The following PCBP2 variants were observed in gnomAD, a reference collection of about 807,000 sequenced individuals.
PCBP2 encodes poly(rC)-binding protein 2.
A neutral mutation model predicts 50.1 loss-of-function variants in PCBP2; 4 were observed. The ratio of observed to expected loss-of-function variants is 0.08; its 90% confidence interval spans 0.04 to 0.18. PCBP2 has a LOEUF of 0.18. Among genes scored for constraint, PCBP2 ranks in the 10% least tolerant of loss-of-function variants. The pLI is 1.00. For missense variants in PCBP2, 161 were observed against 474.3 expected, an observed-to-expected ratio of 0.34 and a Z score of 6.14; for synonymous variants, 179 against 168.0, an observed-to-expected ratio of 1.07 and a Z score of -0.51.
At chr12:53,462,457 C>T (rs1432189500) in intron 7 of PCBP2, 36 bp from the exon 8 acceptor site, 1 of 1,572,970 alleles carries the variant, frequency 6.4e-7, no homozygotes, top group African/African-American at 1.4e-5. Context: ...GAAACCTTAT[C>T]TCTTTTTGTT....
chr12:53,473,393 A>C (rs529797556), intron 14 of PCBP2, among the ~76,000 whole-genome samples: 1 of 152,198 alleles, frequency 6.6e-6, no homozygotes, highest in East Asian at 1.9e-4. Flanking sequence ...TGTTTTTCTT[A>C]TTTGTAATTA....
intron 14 of PCBP2, among the ~76,000 whole-genome samples, chr12:53,479,006 TC>T (rs1942864969): frequency 6.6e-6 from 1 of 152,178 alleles, no homozygotes; most frequent in Non-Finnish European, 1.5e-5. Context: ...ACTCTTTCTT[TC>T]CTAAACTGGT....
chr12:53,476,123 CATT>C (rs1257662935), intron 14 of PCBP2: 1 of 152,212 alleles, frequency 6.6e-6, no homozygotes, highest in Non-Finnish European at 1.5e-5. Context: ...CAACCCGTGA[CATT>C]ATCCACAACT....
intron 8 of PCBP2, chr12:53,464,523 CT>C: frequency 2.1e-6 from 1 of 479,890 alleles, no homozygotes; most frequent in South Asian, 2.4e-5. Context: ...CTGGCATCAG[CT>C]CTGTTGCCCC....
chr12:53,466,135 A>C (rs889680045), intron 10 of PCBP2, among the ~76,000 whole-genome samples, 162 bp downstream of exon 10: 1 of 152,220 alleles, frequency 6.6e-6, no homozygotes, highest in Non-Finnish European at 1.5e-5. Context: ...CCCTTTAATC[A>C]GGGTAATGCC....
intron 13 of PCBP2, among the ~76,000 whole-genome samples, chr12:53,469,307 A>G (rs1451707144): frequency 1.3e-5 from 2 of 152,080 alleles, no homozygotes; most frequent in African/African-American, 4.8e-5. Context: ...GAAAATGGGA[A>G]TTTTTAGACA....
chr12:53,479,092 C>T (rs1416283567), intron 14 of PCBP2, among the ~76,000 whole-genome samples: 1 of 152,112 alleles, frequency 6.6e-6, no homozygotes, highest in Non-Finnish European at 1.5e-5. Flanking sequence ...ATTGTGAGCA[C>T]TCTTTAGAGG....
chr12:53,480,355 C>T lies in PCBP2; in HGVS notation c.*913C>T, dbSNP rs1942969812. On this transcript the variant is annotated 3_prime_UTR_variant, in exon 15 of 15. Coordinates refer to ENST00000546463, the MANE Select transcript of PCBP2 (RefSeq NM_031989.5). The stretch of plus-strand genomic sequence containing the variant: ...GAAAGTTGGGGCTTGACATTATACT[C>T]ATTTAGTGAGAGTAGATGCAAAAAA... 1 of 152,284 alleles carries T rather than the reference C, an allele frequency of 6.6e-6. No homozygotes were observed. Among genetic ancestry groups the T allele is most frequent in the South Asian group, 2.1e-4 (1 of 4,824 alleles). 9.4% of individuals were successfully genotyped at this position (152,284 alleles called of 1,614,324 possible).
At chr12:53,468,580 CAGA>C in intron 12 of PCBP2, 194 bp from the exon 13 acceptor site, 1 of 585,904 alleles carries the variant, frequency 1.7e-6, no homozygotes, top group Non-Finnish European at 3.0e-6. Flanking sequence ...TCTGAGTGTA[CAGA>C]AGAACCTTTC....
chr12:53,460,353 C>T (rs1402952041), intron 6 of PCBP2: 1 of 383,846 alleles, frequency 2.6e-6, no homozygotes, highest in Non-Finnish European at 5.2e-6. Flanking sequence ...CTGTTTTGCT[C>T]AGGCTGGTCT....
intron 11 of PCBP2, chr12:53,467,542 G>T (rs1279734011): frequency 1.6e-6 from 1 of 615,636 alleles, no homozygotes; most frequent in Non-Finnish European, 2.9e-6. Flanking sequence ...GGGGATGCTT[G>T]TCAGGCAAAG....
intron 14 of PCBP2, among the ~76,000 whole-genome samples, chr12:53,477,745 G>A (rs1466237946): frequency 7.3e-6 from 1 of 136,518 alleles, no homozygotes; most frequent in Non-Finnish European, 1.6e-5. Context: ...CTGACTAAAA[G>A]TAAATAGTTT....
intron 8 of PCBP2, 21 bp downstream of exon 8, chr12:53,462,588 G>A: frequency 6.3e-7 from 1 of 1,586,336 alleles, no homozygotes; most frequent in Non-Finnish European, 8.7e-7. Flanking sequence ...TCTCATTTGT[G>A]GGCTAGAATG....
At chr12:53,468,857 A>T (rs1288212720) in intron 13 of PCBP2, 25 bp downstream of exon 13, 2 of 1,558,332 alleles carry the variant, frequency 1.3e-6, no homozygotes, top group African/African-American at 1.4e-5. Context: ...GTTGCATGGG[A>T]TGAAAATAAG....
intron 13 of PCBP2, among the ~76,000 whole-genome samples, chr12:53,471,384 C>T (rs916543557): frequency 6.6e-6 from 1 of 151,650 alleles, no homozygotes; most frequent in Admixed American, 6.6e-5. Flanking sequence ...TTGAGACCAT[C>T]CTGGCCAACA....
At chr12:53,459,806 G>A in intron 6 of PCBP2, 1 of 438,030 alleles carries the variant, frequency 2.3e-6, no homozygotes, top group South Asian at 1.6e-5. Flanking sequence ...CCAGGCTGGA[G>A]TGCAGTGGCG....
chr12:53,477,330 T>C (rs1434686905), intron 14 of PCBP2, among the ~76,000 whole-genome samples: 1 of 152,106 alleles, frequency 6.6e-6, no homozygotes, highest in Non-Finnish European at 1.5e-5. Context: ...CCTTAGATCA[T>C]TGTGTTTTGA....
At chr12:53,471,221 A>C (rs1328701830) in intron 13 of PCBP2, among the ~76,000 whole-genome samples, 2 of 151,994 alleles carry the variant, frequency 1.3e-5, no homozygotes, top group Admixed American at 1.3e-4. Context: ...GAGATTCGAA[A>C]ATGGCTTAAA....
chr12:53,467,609 C>T, intron 11 of PCBP2, 196 bp from the exon 12 acceptor site: 1 of 628,820 alleles, frequency 1.6e-6, no homozygotes, highest in South Asian at 1.9e-5. Context: ...ATCTGATCAG[C>T]ACCCCCTTTC....
Sources: allele counts gnomAD v4.1 joint callset (sites outside exome capture counted in the v4.1 genomes callset), GRCh38; gene constraint gnomAD v4.1.1; transcripts MANE v1.5; gene names NCBI Gene and HGNC (gene_info 2026-07-23, HGNC 2026-07-21).